NCAM2: variants seen among roughly 807,000 people sequenced by gnomAD.
NCAM2 encodes neural cell adhesion molecule 2, also known as N-CAM-2.
In NCAM2, 30 loss-of-function variants were observed where a neutral mutation model predicts 98.1. The ratio of observed to expected loss-of-function variants is 0.31; its 90% CI spans 0.23 to 0.41. The LOEUF is 0.41. Ranked by LOEUF, NCAM2 falls within the 10% of genes least tolerant of loss-of-function variation. NCAM2 has a pLI of 1.00. For missense variants in NCAM2, 867 were observed against 1,005.8 expected (o/e 0.86, Z 1.87); for synonymous variants, 368 against 342.4 (o/e 1.07, Z -0.83).
intron 1 of NCAM2, among the ~76,000 whole-genome samples, chr21:21,269,005 T>G (rs964829808): frequency 4.6e-5 from 7 of 152,162 alleles, no homozygotes; most frequent in African/African-American, 1.7e-4. Flanking sequence ...TGGAGACACC[T>G]TCAGGCTAGA....
intron 15 of NCAM2, among the ~76,000 whole-genome samples, chr21:21,487,194 T>C (rs1396636316): frequency 1.3e-5 from 2 of 152,162 alleles, no homozygotes; most frequent in Non-Finnish European, 2.9e-5. Flanking sequence ...TTATCTTTTA[T>C]ATTATCTGAA....
At chr21:21,010,449 C>G (rs2064188801) in intron 1 of NCAM2, among the ~76,000 whole-genome samples, 1 of 151,982 alleles carries the variant, frequency 6.6e-6, no homozygotes, top group Non-Finnish European at 1.5e-5. Context: ...ATGCAATACC[C>G]TAAGTTGTTA....
chr21:21,178,702 AGC>A, intron 1 of NCAM2, among the ~76,000 whole-genome samples: 3 of 151,998 alleles, frequency 2.0e-5, no homozygotes, highest in South Asian at 4.1e-4. Flanking sequence ...AAATTATATA[AGC>A]TTTTATTCTA....
chr21:21,479,583 C>CAAAAAAAAAAAAAAAAAAAAAAAAAAAA (rs1156588500), intron 15 of NCAM2, among the ~76,000 whole-genome samples: 6 of 30,962 alleles, frequency 1.9e-4, no homozygotes, highest in Non-Finnish European at 3.4e-4. Context: ...GACTGCGTCT[C>CAAAAAAAAAAAAAAAAAAAAAAAAAAAA]AAAAAAAAAA....
intron 12 of NCAM2, among the ~76,000 whole-genome samples, chr21:21,465,622 T>C (rs1983586001): frequency 6.6e-6 from 1 of 152,078 alleles, no homozygotes; most frequent in South Asian, 2.1e-4. Flanking sequence ...TTTCTGGTCA[T>C]GGTTTATGTA....
At chr21:21,265,429 GTA>G (rs1568857087) in intron 1 of NCAM2, among the ~76,000 whole-genome samples, 8 of 59,500 alleles carry the variant, frequency 1.3e-4, no homozygotes, top group East Asian at 8.1e-4. Flanking sequence ...ATATATGTGT[GTA>G]TATATATTAT....
rs371920330 is a variant in NCAM2 at position 21,051,059 on chromosome 21, A to G, written c.55+52441A>G. 2.1e-4 allele frequency among the ~76,000 whole-genome samples: 32 copies of G among 152,308 alleles called. No homozygotes were observed. In the East Asian group the frequency reaches 3.3e-3, roughly 16 times the overall value. ...ATGTGGTGCAAATAACCCTTCAATA[A>G]AAGAAGTGTTTGTCCCAGTTGAAGG... On this transcript the variant is annotated intron_variant, in intron 1 of 17. Coordinates refer to ENST00000400546, the MANE Select transcript of NCAM2 (RefSeq NM_004540.5).
chr21:21,133,253 A>G (rs1448835357), intron 1 of NCAM2, among the ~76,000 whole-genome samples: 2 of 152,214 alleles, frequency 1.3e-5, no homozygotes, highest in African/African-American at 2.4e-5. Flanking sequence ...TGTGGCAACA[A>G]TCTCCAAACT....
intron 13 of NCAM2, 150 bp downstream of exon 13, chr21:21,466,875 G>A: frequency 2.5e-6 from 2 of 795,596 alleles, no homozygotes; most frequent in East Asian, 3.0e-5. Flanking sequence ...TGACATCTGA[G>A]ATTTATTAAC....
chr21:21,270,956 T>C (rs1192629250), intron 1 of NCAM2, among the ~76,000 whole-genome samples: 1 of 152,014 alleles, frequency 6.6e-6, no homozygotes, highest in Non-Finnish European at 1.5e-5. Flanking sequence ...ATTTTTTTTT[T>C]ATTTGAACCT....
chr21:21,221,376 G>C, intron 1 of NCAM2, among the ~76,000 whole-genome samples: 1 of 1,272 alleles, frequency 7.9e-4, no homozygotes, highest in East Asian at 0.019. Flanking sequence ...TTTTCCCAGG[G>C]AAGTCATGTG....
chr21:21,342,044 T>C (rs900998442), intron 8 of NCAM2, among the ~76,000 whole-genome samples: 7 of 152,158 alleles, frequency 4.6e-5, no homozygotes, highest in Admixed American at 3.9e-4. Context: ...TCACTTCCCA[T>C]GGGAGAAAAA....
intron 1 of NCAM2, among the ~76,000 whole-genome samples, chr21:21,159,089 G>T (rs1001954682): frequency 3.3e-5 from 5 of 152,024 alleles, no homozygotes; most frequent in Non-Finnish European, 5.9e-5. Flanking sequence ...ATGTGTGTTT[G>T]TGTCTTAGTT....
rs567466068 is a variant in NCAM2, at chr21:21,064,608, A to G, written c.55+65990A>G. Among the ~76,000 whole-genome samples, 5 of 152,276 alleles carry G rather than the reference A, an allele frequency of 3.3e-5. No individual in the cohort carries two copies. In the East Asian group the frequency reaches 9.7e-4, roughly 29 times the overall value. ...AGTGTTCTCTTGCCCCTCAGGGTTC[A>G]TCACTCTGAGATGTGTCATTTTTTA... On this transcript the variant is annotated intron_variant, in intron 1 of 17. Transcript: ENST00000400546.
intron 1 of NCAM2, among the ~76,000 whole-genome samples, chr21:21,276,225 A>G (rs1386738856): frequency 6.6e-6 from 1 of 152,034 alleles, no homozygotes; most frequent in Non-Finnish European, 1.5e-5. Flanking sequence ...GTCCTCCCAA[A>G]TACATCTTAA....
chr21:21,125,712 T>TAGAGAGAGAG (rs1369606850), intron 1 of NCAM2, among the ~76,000 whole-genome samples: 591 of 36,086 alleles, frequency 0.016, 7 homozygotes, highest in African/African-American at 0.033. Flanking sequence ...CATATATATA[T>TAGAGAGAGAG]ATAGAGAGAG....
chr21:21,212,768 A>C (rs1453685805), intron 1 of NCAM2, among the ~76,000 whole-genome samples: 1 of 125,070 alleles, frequency 8.0e-6, no homozygotes, highest in African/African-American at 3.0e-5. Flanking sequence ...TTTGAAGTGG[A>C]GTCTTGCTCT....
chr21:21,054,679 T>G (rs908514624), intron 1 of NCAM2, among the ~76,000 whole-genome samples: 2 of 152,008 alleles, frequency 1.3e-5, no homozygotes, highest in African/African-American at 4.8e-5. Context: ...AGAAATGAAT[T>G]AAAAGTTTGA....
At chr21:21,382,050 A>G (rs2076164889) in intron 9 of NCAM2, among the ~76,000 whole-genome samples, 1 of 152,188 alleles carries the variant, frequency 6.6e-6, no homozygotes, top group African/African-American at 2.4e-5. Context: ...TTCAAAGAGA[A>G]AGCCATATAA....
Sources: gnomAD v4.1 joint callset for allele counts (sites outside exome capture counted in the v4.1 genomes callset) on GRCh38, gnomAD v4.1.1 for gene constraint, MANE v1.5 for transcripts, NCBI Gene and HGNC (gene_info 2026-07-23, HGNC 2026-07-21) for gene names.